DERA: variants seen among roughly 807,000 people sequenced by gnomAD.
DERA encodes deoxyribose-phosphate aldolase.
A neutral mutation model predicts 41.1 loss-of-function variants in DERA; 15 were observed. The observed-to-expected ratio is 0.37, with a 90% CI of 0.24 to 0.56. The LOEUF is 0.56. Ranked by LOEUF, DERA falls within the 20% of genes least tolerant of loss-of-function variation. DERA has a pLI of 0.81. For missense variants in DERA, 396 were observed against 403.4 expected (o/e 0.98, Z 0.16); for synonymous variants, 139 against 137.4 (o/e 1.01, Z -0.08).
intron 1 of DERA, among the ~76,000 whole-genome samples, chr12:15,948,375 C>T (rs1293234194): frequency 6.6e-6 from 1 of 151,670 alleles, no homozygotes; most frequent in African/African-American, 2.4e-5. Flanking sequence ...CACATAGTCC[C>T]ATATTTCTTG....
intron 1 of DERA, among the ~76,000 whole-genome samples, chr12:15,933,892 A>G (rs1948346816): frequency 6.6e-6 from 1 of 152,124 alleles, no homozygotes; most frequent in Admixed American, 6.5e-5. Flanking sequence ...TATGCCCTAT[A>G]TTTAGCACTG....
rs1476471567 is a variant in DERA at position 15,965,025 on chromosome 12, G to C, written c.508+2078G>C. Among the ~76,000 whole-genome samples, 1 of 152,118 alleles carries C rather than the reference G, an allele frequency of 6.6e-6. No homozygotes were observed. Among genetic ancestry groups the C allele is most frequent in the East Asian group, 1.9e-4 (1 of 5,196 alleles). On this transcript the variant is annotated intron_variant, in intron 5 of 8. Transcript: ENST00000428559. This position sits in a 1 kb window ranked among gnomAD's most constrained non-coding sequence, Gnocchi z 4.1. ...AATTGAAAAGGAACATTTAATACTAGAAATTTAATTCTAAATAGAAACCTG... is the reference window on the plus strand; with the variant it reads ...AATTGAAAAGGAACATTTAATACTACAAATTTAATTCTAAATAGAAACCTG...
rs577064415 is a variant in DERA at position 16,036,266 on chromosome 12, C to T, written c.785C>T (p.Ala262Val). ...AAACCAGCAGGAGGCATCCGCAGTG[C>T]AAAGGATTCCCTTGCTTGGCTCTCT... ...GFKPAGGIRS[A>V]KDSLAWLSLV... Residue 262 changes from alanine (A) to valine (V), a missense_variant, in exon 8 of 9, where the codon GCA (alanine) becomes GTA (valine). Physicochemically the swap from Ala to Val is moderately conservative, Grantham distance 64. Transcript: ENST00000428559. This position sits in a 1 kb window ranked among gnomAD's most constrained non-coding sequence, Gnocchi z 4.9. 56 of 1,613,322 alleles carry T rather than the reference C, an allele frequency of 3.5e-5. No homozygotes were observed. In the East Asian group the frequency reaches 1.2e-3, roughly 33 times the overall value.
At position 15,990,634 on chromosome 12, in the gene DERA, G is replaced by A. The variant is rs1565607021; in HGVS notation, c.637+8198G>A. Among the ~76,000 whole-genome samples, 1 of 152,046 alleles carries A rather than the reference G, an allele frequency of 6.6e-6. No individual in the cohort carries two copies. Among genetic ancestry groups the A allele is most frequent in the South Asian group, 2.1e-4 (1 of 4,816 alleles). On this transcript the variant is annotated intron_variant, in intron 6 of 8. Coordinates refer to ENST00000428559, the MANE Select transcript of DERA (RefSeq NM_015954.4). This position sits in a 1 kb window ranked among gnomAD's most constrained non-coding sequence, Gnocchi z 4.3. Reference sequence around the variant, plus strand: ...CAAACTCCAAAAGACCCCAGTGTCTGTTATTCTCCTTGATGTGTCTATGTG... The same window carrying A: ...CAAACTCCAAAAGACCCCAGTGTCTATTATTCTCCTTGATGTGTCTATGTG...
chr12:15,995,497 A>T lies in DERA; in HGVS notation c.637+13061A>T, dbSNP rs1229194200. Among the ~76,000 whole-genome samples, 2 of 152,150 alleles carry T rather than the reference A, an allele frequency of 1.3e-5. No homozygotes were observed. Among genetic ancestry groups the T allele is most frequent in the African/African-American group, 2.4e-5 (1 of 41,434 alleles). On this transcript the variant is annotated intron_variant, in intron 6 of 8. Coordinates refer to ENST00000428559, the MANE Select transcript of DERA (RefSeq NM_015954.4). The surrounding 1 kb of genome is among the most constrained non-coding windows in gnomAD (Gnocchi z 5.1). The stretch of plus-strand genomic sequence containing the variant: ...TTAGAAAATTAACCAGGGTTGTGAT[A>T]CAACTGCCACTTGAGTTCTGTACTT...
chr12:15,949,458 A>AGGCTCTGTGG (rs753453330), intron 1 of DERA, among the ~76,000 whole-genome samples: 5 of 151,840 alleles, frequency 3.3e-5, no homozygotes, highest in Non-Finnish European at 4.4e-5. Context: ...CTGCTGTGCT[A>AGGCTCTGTGG]GCAATGAGCA....
In DERA at chr12:15,936,074, G is replaced by C. The variant is rs148264715; in HGVS notation, c.32-20862G>C. On this transcript the variant is annotated intron_variant, in intron 1 of 8. Coordinates refer to ENST00000428559, the MANE Select transcript of DERA (RefSeq NM_015954.4). The surrounding 1 kb of genome is among the most constrained non-coding windows in gnomAD (Gnocchi z 4.6). ...GCAGCTGGCTTCTCGAGTGATCCAA[G>C]TAGGAAGGCAAAAGCCACCATGTGT... is the stretch of plus-strand genomic sequence containing the variant. Among the ~76,000 whole-genome samples the C allele has an allele frequency of 4.4e-3, 677 of 152,296 alleles. 2 individuals are homozygous for C. Among genetic ancestry groups the C allele is most frequent in the Admixed American group, 7.4e-3 (113 of 15,290 alleles).
intron 5 of DERA, among the ~76,000 whole-genome samples, chr12:15,974,528 T>C (rs1795569951): frequency 6.6e-6 from 1 of 152,218 alleles, no homozygotes; most frequent in Admixed American, 6.5e-5. Flanking sequence ...TTCTTCTCAA[T>C]GCATTATTTC....
rs562001265 is a variant in DERA at position 15,938,852 on chromosome 12, A to G, written c.32-18084A>G. 2.0e-5 allele frequency among the ~76,000 whole-genome samples: 3 copies of G among 152,338 alleles called. No individual in the cohort carries two copies. In the South Asian group the frequency reaches 6.2e-4, roughly 32 times the overall value. On this transcript the variant is annotated intron_variant, in intron 1 of 8. Transcript: ENST00000428559. This position sits in a 1 kb window ranked among gnomAD's most constrained non-coding sequence, Gnocchi z 4.1. ...ATTTTGCTAATTCAAATACTGTAAA[A>G]TTAAAAGTCTTCTCAATTTCATTTC...
rs970748229 is a variant in DERA, at chr12:15,984,611, C to A, written c.637+2175C>A. The stretch of plus-strand genomic sequence containing the variant: ...TAAGGTCACAAAGCTAATAAATAAC[C>A]TGTATCACTATTTGAACACTCTGGT... On this transcript the variant is annotated intron_variant, in intron 6 of 8. Coordinates refer to ENST00000428559, the MANE Select transcript of DERA (RefSeq NM_015954.4). The surrounding 1 kb of genome is among the most constrained non-coding windows in gnomAD (Gnocchi z 4.5). Among the ~76,000 whole-genome samples the A allele has an allele frequency of 1.3e-5, 2 of 152,052 alleles. No individual in the cohort carries two copies. The highest frequency in any genetic ancestry group is 4.8e-5 in the African/African-American group (2 of 41,410).
Position 15,913,054 on chromosome 12 carries a change from A to G in DERA, c.31+1640A>G, listed in dbSNP as rs1948175864. Among the ~76,000 whole-genome samples the G allele has an allele frequency of 6.6e-6, 1 of 152,236 alleles. No homozygotes were observed. Among genetic ancestry groups the G allele is most frequent in the Non-Finnish European group, 1.5e-5 (1 of 68,034 alleles). ...GTCTTACCTGGGTATTCCCAGGAAT[A>G]TGACCATGTGACTATGCATACATCA... On this transcript the variant is annotated intron_variant, in intron 1 of 8. Coordinates refer to ENST00000428559, the MANE Select transcript of DERA (RefSeq NM_015954.4). This position sits in a 1 kb window ranked among gnomAD's most constrained non-coding sequence, Gnocchi z 4.5.
intron 3 of DERA, among the ~76,000 whole-genome samples, 165 bp downstream of exon 3, chr12:15,958,500 A>C (rs1565595991): frequency 6.7e-6 from 1 of 149,582 alleles, no homozygotes; most frequent in Non-Finnish European, 1.5e-5. Flanking sequence ...AAACAGCAGG[A>C]AGAGAATCTG....
At chr12:15,961,433 G>C (rs923793251) in intron 4 of DERA, among the ~76,000 whole-genome samples, 3 of 152,028 alleles carry the variant, frequency 2.0e-5, no homozygotes, top group Non-Finnish European at 4.4e-5. Context: ...CCAACACTTT[G>C]GGGGGGCTCA....
At chr12:15,917,858 G>A (rs139692638) in intron 1 of DERA, among the ~76,000 whole-genome samples, 2 of 152,202 alleles carry the variant, frequency 1.3e-5, no homozygotes, top group East Asian at 3.9e-4. Flanking sequence ...AGTGGATAAC[G>A]ATATGAGAAG....
Position 16,008,360 on chromosome 12 carries a change from A to G in DERA, c.638-24182A>G, listed in dbSNP as rs1948926736. On this transcript the variant is annotated intron_variant, in intron 6 of 8. Coordinates refer to ENST00000428559, the MANE Select transcript of DERA (RefSeq NM_015954.4). This position sits in a 1 kb window ranked among gnomAD's most constrained non-coding sequence, Gnocchi z 4.8. Reference sequence around the variant, plus strand: ...GGTCCTTTCCTTCCACATTTTATTCAGTTGGACTCTGACTCCTGTCTGATT... The same window carrying G: ...GGTCCTTTCCTTCCACATTTTATTCGGTTGGACTCTGACTCCTGTCTGATT... Among the ~76,000 whole-genome samples, 1 of 152,110 alleles carries G rather than the reference A, an allele frequency of 6.6e-6. No homozygotes were observed. The highest frequency in any genetic ancestry group is 6.5e-5 in the Admixed American group (1 of 15,274).
At chr12:15,958,066 T>C (rs1592018840) in intron 2 of DERA, 122 bp from the exon 3 acceptor site, 1 of 718,446 alleles carries the variant, frequency 1.4e-6, no homozygotes, top group East Asian at 2.8e-5. Context: ...CATTGAACAG[T>C]GTAGGCATAA....
In DERA at chr12:16,010,908, A is replaced by G. The variant is rs1565613426; in HGVS notation, c.638-21634A>G. Among the ~76,000 whole-genome samples the G allele has an allele frequency of 6.8e-6, 1 of 146,950 alleles. No individual in the cohort carries two copies. Among genetic ancestry groups the G allele is most frequent in the African/African-American group, 2.7e-5 (1 of 36,460 alleles). On this transcript the variant is annotated intron_variant, in intron 6 of 8. Transcript: ENST00000428559. The surrounding 1 kb of genome is among the most constrained non-coding windows in gnomAD (Gnocchi z 5.5). ...CCCACTTATCATCAATTGTTGAAAA[A>G]AAAGATTTATGATGACATTGAGGTA... is the stretch of plus-strand genomic sequence containing the variant.
Position 15,967,002 on chromosome 12 carries a change from C to T in DERA, c.508+4055C>T, listed in dbSNP as rs1396701280. Among the ~76,000 whole-genome samples, 1 of 152,086 alleles carries T rather than the reference C, an allele frequency of 6.6e-6. No individual in the cohort carries two copies. Among genetic ancestry groups the T allele is most frequent in the East Asian group, 1.9e-4 (1 of 5,180 alleles). On this transcript the variant is annotated intron_variant, in intron 5 of 8. Coordinates refer to ENST00000428559, the MANE Select transcript of DERA (RefSeq NM_015954.4). The surrounding 1 kb of genome is among the most constrained non-coding windows in gnomAD (Gnocchi z 4.9). ...TACCCATCATTTACATATAAGTAGACATTCAAATATCACTGACCCTTGACA... is the reference window on the plus strand; with the variant it reads ...TACCCATCATTTACATATAAGTAGATATTCAAATATCACTGACCCTTGACA...
intron 4 of DERA, 173 bp from the exon 5 acceptor site, chr12:15,962,640 A>G (rs1948595457): frequency 3.9e-6 from 2 of 514,336 alleles, no homozygotes; most frequent in Non-Finnish European, 3.4e-6. Context: ...CTTATGCATA[A>G]GTGATGTTCT....
Sources: allele counts gnomAD v4.1 joint callset (sites outside exome capture counted in the v4.1 genomes callset), GRCh38; gene constraint gnomAD v4.1.1; non-coding constraint Gnocchi (gnomAD v3.1); transcripts MANE v1.5; gene names NCBI Gene and HGNC (gene_info 2026-07-23, HGNC 2026-07-21).